The following AADACL4 variants were observed in gnomAD, a reference collection of about 807,000 sequenced individuals.
The protein encoded by AADACL4 is arylacetamide deacetylase like 4, also known as arylacetamide deacetylase-like 4.
AADACL4 carries 9 observed loss-of-function variants against 14.1 expected under a neutral mutation model. The ratio of observed to expected loss-of-function variants is 0.64; its 90% CI spans 0.39 to 1.12. AADACL4 has a LOEUF of 1.12. Among genes scored for constraint, AADACL4 ranks in the 50% most tolerant of loss-of-function variants. The pLI is 0.01. For synonymous variants in AADACL4, 188 were observed against 201.6 expected, an observed-to-expected ratio of 0.93 and a Z score of 0.57; for missense variants, 531 against 516.1, an observed-to-expected ratio of 1.03 and a Z score of -0.28.
intron 2 of AADACL4, among the ~76,000 whole-genome samples, chr1:12,654,373 A>G (rs1647168465): frequency 6.6e-6 from 1 of 152,170 alleles, no homozygotes; most frequent in African/African-American, 2.4e-5. Flanking sequence ...TGATCCTTGT[A>G]TGGGGAATTA....
At chr1:12,650,341 A>G (rs1647137166) in intron 1 of AADACL4, among the ~76,000 whole-genome samples, 1 of 152,188 alleles carries the variant, frequency 6.6e-6, no homozygotes, top group African/African-American at 2.4e-5. Flanking sequence ...TGAGCCCACA[A>G]CAGACATCCC....
At chr1:12,647,540 T>G (rs1393066298) in intron 1 of AADACL4, among the ~76,000 whole-genome samples, 1 of 152,208 alleles carries the variant, frequency 6.6e-6, no homozygotes, top group East Asian at 1.9e-4. Flanking sequence ...AAGGCAAAGA[T>G]GTAGCATTTC....
chr1:12,658,123 C>T (rs1185403007), intron 2 of AADACL4, among the ~76,000 whole-genome samples: 2,006 of 119,318 alleles, frequency 0.017, 62 homozygotes, highest in African/African-American at 0.044. Context: ...TTCCTTCCTT[C>T]CTTCCTTCCT....
intron 3 of AADACL4, among the ~76,000 whole-genome samples, chr1:12,663,494 C>G (rs1647263411): frequency 6.6e-6 from 1 of 152,142 alleles, no homozygotes; most frequent in Non-Finnish European, 1.5e-5. Flanking sequence ...ACCCTCATGA[C>G]CTGATCACTT....
At chr1:12,658,135 C>CCTTTCTTTCTTTCTTTCTTTCTTT (rs1491396336) in intron 2 of AADACL4, among the ~76,000 whole-genome samples, 1 of 87,298 alleles carries the variant, frequency 1.1e-5, no homozygotes, top group African/African-American at 6.5e-5. Flanking sequence ...TTCCTTCCTT[C>CCTTTCTTTCTTTCTTTCTTTCTTT]CTTCCTTTCT....
chr1:12,647,913 C>T (rs1647121245), intron 1 of AADACL4, among the ~76,000 whole-genome samples: 1 of 152,094 alleles, frequency 6.6e-6, no homozygotes, highest in African/African-American at 2.4e-5. Flanking sequence ...CTGCCTTGGC[C>T]TCCCAAACTG....
intron 2 of AADACL4, among the ~76,000 whole-genome samples, chr1:12,655,189 G>A (rs1461339737): frequency 6.6e-6 from 1 of 152,138 alleles, no homozygotes; most frequent in Non-Finnish European, 1.5e-5. Flanking sequence ...TGCAGTTCAG[G>A]GGTAAAGTAA....
At chr1:12,650,923 C>T (rs932164866) in intron 1 of AADACL4, among the ~76,000 whole-genome samples, 200 bp from the exon 2 acceptor site, 1 of 152,186 alleles carries the variant, frequency 6.6e-6, no homozygotes, top group African/African-American at 2.4e-5. Flanking sequence ...CAATCAAGAG[C>T]CTCTGGGGAG....
At chr1:12,652,280 G>A (rs952160899) in intron 2 of AADACL4, among the ~76,000 whole-genome samples, 16 of 152,212 alleles carry the variant, frequency 1.1e-4, no homozygotes, top group East Asian at 3.9e-4. Context: ...CCCAATACGC[G>A]TCTATCTGCT....
intron 2 of AADACL4, among the ~76,000 whole-genome samples, chr1:12,656,051 C>T (rs961113102): frequency 1.3e-5 from 2 of 152,182 alleles, no homozygotes; most frequent in Non-Finnish European, 2.9e-5. Flanking sequence ...TGAGTTTCTT[C>T]TAAGCCCATC....
intron 1 of AADACL4, 62 bp downstream of exon 1, chr1:12,644,776 A>C (rs2100754571): frequency 2.6e-6 from 4 of 1,527,768 alleles, no homozygotes; most frequent in Non-Finnish European, 3.6e-6. Flanking sequence ...TCAGTACCTT[A>C]CCCTCTTTTC....
In AADACL4 at chr1:12,666,325, T is replaced by A; in HGVS notation, c.814T>A (p.Cys272Ser). 6.2e-7 allele frequency: 1 copy of A among 1,614,206 alleles called. No homozygotes were observed. The highest frequency in any genetic ancestry group is 8.5e-7 in the Non-Finnish European group (1 of 1,180,042). Residue 272 changes from cysteine (C) to serine (S), a missense_variant, in exon 4 of 4, where the codon TGT becomes AGT. Coordinates refer to ENST00000376221, the MANE Select transcript of AADACL4 (RefSeq NM_001013630.2). ...GCGTGACGCCATCTTGAACGGCACT[T>A]GTGTACCCCCAGACGTCTGGAGGAA... is the stretch of plus-strand genomic sequence containing the variant. ...SWRDAILNGT[C>S]VPPDVWRKYE...
chr1:12,647,120 G>A (rs1442690332), intron 1 of AADACL4, among the ~76,000 whole-genome samples: 3 of 146,858 alleles, frequency 2.0e-5, no homozygotes. Flanking sequence ...CTGAGACAGG[G>A]TCTCACTCTG....
chr1:12,645,352 C>G (rs115753876), intron 1 of AADACL4, among the ~76,000 whole-genome samples: 124 of 146,942 alleles, frequency 8.4e-4, no homozygotes, highest in African/African-American at 2.9e-3. Context: ...CTCTCTCTAA[C>G]TCCCTTCCTT....
chr1:12,644,889 G>T (rs114171417), intron 1 of AADACL4, among the ~76,000 whole-genome samples, 175 bp downstream of exon 1: 2 of 131,304 alleles, frequency 1.5e-5, no homozygotes, highest in Admixed American at 7.6e-5. Context: ...CCCTCCCTCC[G>T]TTCCTTCCCC....
rs182862965 is a variant in AADACL4 at position 12,650,398 on chromosome 1, A to G, written c.169-725A>G. 2.0e-4 allele frequency among the ~76,000 whole-genome samples: 31 copies of G among 152,276 alleles called. 1 individual carries two copies. ...TTCATTGAACACGGACACAGTTAGG[A>G]ATCCTTCCTAACCCAGAAGAATGAT... On this transcript the variant is annotated intron_variant, in intron 1 of 3. Coordinates refer to ENST00000376221, the MANE Select transcript of AADACL4 (RefSeq NM_001013630.2).
At chr1:12,649,757 CACA>C (rs1319882898) in intron 1 of AADACL4, among the ~76,000 whole-genome samples, 1 of 152,188 alleles carries the variant, frequency 6.6e-6, no homozygotes, top group African/African-American at 2.4e-5. Context: ...TTGGACTATA[CACA>C]ACATGCTTCT....
chr1:12,644,556 C>T lies in AADACL4; in HGVS notation c.10C>T (p.Pro4Ser). 1.2e-6 allele frequency: 2 copies of T among 1,613,944 alleles called. No homozygotes were observed. Among genetic ancestry groups the T allele is most frequent in the Non-Finnish European group, 1.7e-6 (2 of 1,179,942 alleles). Residue 4 changes from proline (P) to serine (S), a missense_variant, in exon 1 of 4, where the codon CCC becomes TCC. By Grantham distance (74) the Pro-to-Ser change is moderately conservative. Coordinates refer to ENST00000376221, the MANE Select transcript of AADACL4 (RefSeq NM_001013630.2). MAV[P>S]WLVLLLALPI... ...TCAAGGCCCCAGGAACATGGCTGTCCCCTGGCTAGTGCTACTCTTGGCATT... is the reference window on the plus strand; with the variant it reads ...TCAAGGCCCCAGGAACATGGCTGTCTCCTGGCTAGTGCTACTCTTGGCATT...
At chr1:12,649,422 G>T (rs963201270) in intron 1 of AADACL4, among the ~76,000 whole-genome samples, 1 of 152,190 alleles carries the variant, frequency 6.6e-6, no homozygotes, top group Admixed American at 6.5e-5. Flanking sequence ...GACTTAGGGA[G>T]CTCACAGCCG....
Sources: allele counts gnomAD v4.1 joint callset (sites outside exome capture counted in the v4.1 genomes callset), GRCh38; gene constraint gnomAD v4.1.1; transcripts MANE v1.5; gene names NCBI Gene and HGNC (gene_info 2026-07-23, HGNC 2026-07-21).